Variants in EPB41L3 observed in about 807,000 individuals in gnomAD.
The protein encoded by EPB41L3 is band 4.1-like protein 3.
In EPB41L3, 57 loss-of-function variants were observed where a neutral mutation model predicts 127.1. The observed-to-expected ratio is 0.45, with a 90% CI of 0.36 to 0.56. The LOEUF is 0.56. EPB41L3 is among the 20% of genes least tolerant of loss of function. The pLI is 0.00. For synonymous variants in EPB41L3, 572 were observed against 549.5 expected (o/e 1.04, Z -0.57); for missense variants, 1,273 against 1,372.2 (o/e 0.93, Z 1.14).
At chr18:5,401,586 T>A (rs4798350) in intron 16 of EPB41L3, among the ~76,000 whole-genome samples, 3,101 of 152,244 alleles carry the variant, frequency 0.02, 61 homozygotes, top group South Asian at 0.071. Flanking sequence ...GATTGATTTA[T>A]TGCCCACAAA....
chr18:5,397,747 G>C lies in EPB41L3; in HGVS notation c.2472+274C>G, dbSNP rs1205335819. On this transcript the variant is annotated intron_variant, in intron 17 of 22. Coordinates refer to ENST00000341928, the MANE Select transcript of EPB41L3 (RefSeq NM_012307.5). The surrounding 1 kb of genome is among the most constrained non-coding windows in gnomAD (Gnocchi z 4.1). ...CACGTTGGTTTTGGCTGCTTTCTTA[G>C]ACTCAACTGGTGAGACATAATGCTT... Among the ~76,000 whole-genome samples the C allele has an allele frequency of 6.6e-6, 1 of 152,124 alleles. No individual in the cohort carries two copies. The highest frequency in any genetic ancestry group is 1.9e-4 in the East Asian group (1 of 5,182).
Position 5,433,979 on chromosome 18 carries a change from T to C in EPB41L3, c.748A>G (p.Ile250Val), listed in dbSNP as rs1374097412. The C allele has an allele frequency of 2.5e-6, 4 of 1,614,166 alleles. No homozygotes were observed. Among genetic ancestry groups the C allele is most frequent in the Non-Finnish European group, 3.4e-6 (4 of 1,180,044 alleles). ...TTTGGTGCAAAGCGGAACTCACTAA[T>C]GTAATCGCTCCCACATTCATCTGGG... ...YDPDECGSDY[I>V]SEFRFAPNHT... Residue 250 changes from isoleucine (I) to valine (V), a missense_variant, in exon 7 of 23, where the codon ATT becomes GTT. Ile to Val is a conservative substitution (Grantham distance 29). Around this residue, in one of 3 missense-constraint regions of EPB41L3, gnomAD observed 326 missense variants for 440.2 expected, o/e 0.74. Transcript: ENST00000341928.
At chr18:5,570,031 A>G (rs1378011536) in intron 3 of EPB41L3, 1 of 152,200 alleles carries the variant, frequency 6.6e-6, no homozygotes, top group Non-Finnish European at 1.5e-5. Flanking sequence ...GATATTACAC[A>G]GTGATGCTCT....
chr18:5,444,562 A>G (rs1051675388), intron 4 of EPB41L3, among the ~76,000 whole-genome samples: 2 of 152,230 alleles, frequency 1.3e-5, no homozygotes, highest in Non-Finnish European at 2.9e-5. Flanking sequence ...AGCCCTGAAC[A>G]CAGTCTACAG....
At chr18:5,400,920 A>G (rs930181455) in intron 16 of EPB41L3, 16 of 1,168,496 alleles carry the variant, frequency 1.4e-5, no homozygotes, top group Non-Finnish European at 1.8e-5. Context: ...ATGACACTGA[A>G]GTCTGAAGAC....
chr18:5,512,598 A>G (rs1255309382), intron 1 of EPB41L3, among the ~76,000 whole-genome samples: 1 of 152,222 alleles, frequency 6.6e-6, no homozygotes, highest in Non-Finnish European at 1.5e-5. Flanking sequence ...AGAATGGATT[A>G]GGGAACAGAC....
rs574223972 is a variant in EPB41L3, at chr18:5,392,733, T to C, written c.*752A>G. On this transcript the variant is annotated 3_prime_UTR_variant, in exon 23 of 23. Transcript: ENST00000341928. Reference sequence around the variant, plus strand: ...TCATAATATTGTAAACTAACAAAAATACAGGTTTTCTTCCCAAAATAATGA... The same window carrying C: ...TCATAATATTGTAAACTAACAAAAACACAGGTTTTCTTCCCAAAATAATGA... 2 of 152,566 alleles carry C rather than the reference T, an allele frequency of 1.3e-5. No homozygotes were observed. The highest frequency in any genetic ancestry group is 1.9e-4 in the East Asian group (1 of 5,192). 9.5% of individuals were successfully genotyped at this position (152,566 alleles called of 1,614,324 possible).
intron 1 of EPB41L3, chr18:5,508,172 A>C (rs2148630352): frequency 6.6e-6 from 1 of 152,282 alleles, no homozygotes; most frequent in Middle Eastern, 3.4e-3. Context: ...TACCAGAGCA[A>C]CTTCTTATCT....
intron 1 of EPB41L3, among the ~76,000 whole-genome samples, chr18:5,529,928 A>ATGTGTGTG (rs10611279): frequency 0.11 from 15,894 of 146,764 alleles, 874 homozygotes; most frequent in Non-Finnish European, 0.13. Flanking sequence ...CAACTCATAT[A>ATGTGTGTG]TGTGTGTGTG....
At chr18:5,534,798 C>T (rs2093519399) in intron 1 of EPB41L3, among the ~76,000 whole-genome samples, 1 of 152,196 alleles carries the variant, frequency 6.6e-6, no homozygotes, top group Non-Finnish European at 1.5e-5. Context: ...TGTCTTCAAA[C>T]ACAGATCTCA....
At chr18:5,623,783 G>A (rs895481439) in intron 1 of EPB41L3, among the ~76,000 whole-genome samples, 9 of 151,886 alleles carry the variant, frequency 5.9e-5, no homozygotes, top group Non-Finnish European at 1.3e-4. Flanking sequence ...AAGTAACTGG[G>A]ATCACAGGCA....
chr18:5,400,986 G>A, intron 16 of EPB41L3: 2 of 1,533,508 alleles, frequency 1.3e-6, no homozygotes, highest in Admixed American at 2.0e-5. Context: ...TCAAGGAATG[G>A]AGCGCTTCCT....
intron 2 of EPB41L3, among the ~76,000 whole-genome samples, chr18:5,486,554 T>C (rs544709310): frequency 6.6e-6 from 1 of 152,180 alleles, no homozygotes; most frequent in East Asian, 1.9e-4. Flanking sequence ...GCCTACAGGA[T>C]AGTAGAAAAA....
upstream of EPB41L3, among the ~76,000 whole-genome samples, chr18:5,548,551 T>C (rs983207458): frequency 2.0e-5 from 3 of 152,242 alleles, no homozygotes; most frequent in Admixed American, 1.3e-4. Flanking sequence ...ATATAAAGAA[T>C]AGACTTAAAG....
intron 3 of EPB41L3, among the ~76,000 whole-genome samples, chr18:5,599,741 A>C (rs1280309399): frequency 1.3e-5 from 2 of 152,146 alleles, no homozygotes; most frequent in African/African-American, 4.8e-5. Flanking sequence ...GGCTCCCAGA[A>C]GCCTAGCAGA....
chr18:5,432,814 G>C (rs957093534), intron 8 of EPB41L3, among the ~76,000 whole-genome samples: 2 of 152,156 alleles, frequency 1.3e-5, no homozygotes, highest in African/African-American at 4.8e-5. Context: ...AGTCAACGAA[G>C]CAAACCTTAG....
At chr18:5,628,995 G>A (rs1167718002), upstream of EPB41L3, 1 of 152,194 alleles carries the variant, frequency 6.6e-6, no homozygotes, top group Non-Finnish European at 1.5e-5. Flanking sequence ...GCCAAAGGGA[G>A]TTGGGAGGCT....
intron 3 of EPB41L3, among the ~76,000 whole-genome samples, chr18:5,604,476 CAG>C (rs1355158446): frequency 6.6e-6 from 1 of 151,756 alleles, no homozygotes; most frequent in Non-Finnish European, 1.5e-5. Flanking sequence ...TTTTTTTTGA[CAG>C]AGTCTTGCTC....
intron 4 of EPB41L3, 97 bp from the exon 5 acceptor site, chr18:5,443,977 T>A (rs1253985005): frequency 9.5e-7 from 1 of 1,047,606 alleles, no homozygotes; most frequent in Non-Finnish European, 1.4e-6. Flanking sequence ...AGTGCGGAGT[T>A]AGTGGTCGTG....
Sources: allele counts gnomAD v4.1 joint callset (sites outside exome capture counted in the v4.1 genomes callset), GRCh38; gene constraint gnomAD v4.1.1; regional missense constraint gnomAD v4.1.1; non-coding constraint Gnocchi (gnomAD v3.1); transcripts MANE v1.5; gene names NCBI Gene and HGNC (gene_info 2026-07-23, HGNC 2026-07-21).